Variants in CFAP43 observed in about 807,000 individuals in gnomAD.
CFAP43 encodes cilia and flagella associated protein 43, also known as cilia- and flagella-associated protein 43.
Under a neutral mutation model 218.9 loss-of-function variants are expected in CFAP43, and 155 were observed. The ratio of observed to expected loss-of-function variants is 0.71; its 90% CI spans 0.62 to 0.81. CFAP43 has a LOEUF of 0.81. Among genes scored for constraint, CFAP43 ranks in the 30% least tolerant of loss-of-function variants. CFAP43 has a pLI of 0.00. For synonymous variants in CFAP43, 645 were observed against 681.3 expected (o/e 0.95, Z 0.83); for missense variants, 1,778 against 1,954.3 (o/e 0.91, Z 1.70).
intron 27 of CFAP43, among the ~76,000 whole-genome samples, chr10:104,153,347 C>A (rs2088371286): frequency 1.3e-5 from 2 of 152,032 alleles, no homozygotes; most frequent in African/African-American, 4.8e-5. Context: ...TTTCATTGCA[C>A]AACAGGGTGA....
chr10:104,164,689 C>T (rs1022254278), intron 23 of CFAP43, among the ~76,000 whole-genome samples: 1 of 152,222 alleles, frequency 6.6e-6, no homozygotes, highest in East Asian at 1.9e-4. Flanking sequence ...TGAGCCACCG[C>T]GCCTGGCCCC....
chr10:104,196,118 C>T (rs547534475), intron 10 of CFAP43, among the ~76,000 whole-genome samples: 3 of 152,236 alleles, frequency 2.0e-5, no homozygotes, highest in Admixed American at 1.3e-4. Flanking sequence ...GTGAGGTTGG[C>T]ACCTGTGGTA....
chr10:104,193,949 GA>G lies in CFAP43; in HGVS notation c.1358del (p.Val453AlafsTer38). On this transcript the variant is annotated frameshift_variant, in exon 11 of 38. Transcript: ENST00000357060. LOFTEE classifies it high-confidence loss of function. ...SAAVGTEDGS[V>X]YFISVYDKES... ...CCTTATCATATACGCTGATGAAGTA[GA>G]CCGAGCCATCCTCCGTGCCCACGGC... 1.2e-6 allele frequency: 2 copies of G among 1,614,100 alleles called. No individual in the cohort carries two copies. Among genetic ancestry groups the G allele is most frequent in the East Asian group, 4.5e-5 (2 of 44,892 alleles).
At chr10:104,138,086 G>A (rs190732434) in intron 34 of CFAP43, among the ~76,000 whole-genome samples, 1 of 152,264 alleles carries the variant, frequency 6.6e-6, no homozygotes, top group African/African-American at 2.4e-5. Context: ...ATGGAACAGT[G>A]GAGAAAAAGT....
chr10:104,177,919 C>T (rs558574683), intron 19 of CFAP43, among the ~76,000 whole-genome samples: 1 of 152,306 alleles, frequency 6.6e-6, no homozygotes, highest in South Asian at 2.1e-4. Context: ...CCACATCTCA[C>T]AAAATGTACC....
At chr10:104,185,226 T>C in intron 15 of CFAP43, 80 bp from the exon 16 acceptor site, 1 of 1,535,902 alleles carries the variant, frequency 6.5e-7, no homozygotes, top group Non-Finnish European at 8.9e-7. Context: ...TATATGCCCC[T>C]TTTTTGTGGA....
intron 25 of CFAP43, 105 bp downstream of exon 25, chr10:104,162,212 C>T: frequency 7.8e-7 from 1 of 1,277,092 alleles, no homozygotes. Flanking sequence ...ATTCAAGTGA[C>T]CTCTGACCAC....
Position 104,230,759 on chromosome 10 carries a change from A to G in CFAP43, c.150T>C (p.Phe50=), listed in dbSNP as rs1273627753. The G allele has an allele frequency of 6.2e-7, 1 of 1,613,954 alleles. No homozygotes were observed. The highest frequency in any genetic ancestry group is 2.2e-5 in the East Asian group (1 of 44,878). ...TCTTTTTCTTGGTTTCAATATTAAT[A>G]AATATTACATAATTCCCACAAGGGT... The part of the protein sequence containing the change: ...ICYPCGNYVI[F]INIETKKKTV... The change falls in exon 2 of 38, where the codon TTT becomes TTC. Residue 50 remains phenylalanine (F), a synonymous_variant. Coordinates refer to ENST00000357060, the MANE Select transcript of CFAP43 (RefSeq NM_025145.7).
chr10:104,153,576 T>TA (rs1390388255), intron 27 of CFAP43, among the ~76,000 whole-genome samples: 1 of 152,168 alleles, frequency 6.6e-6, no homozygotes, highest in African/African-American at 2.4e-5. Context: ...ACATACAAAG[T>TA]AAAAAACATG....
intron 3 of CFAP43, among the ~76,000 whole-genome samples, chr10:104,224,670 G>C (rs902199911): frequency 6.8e-6 from 1 of 146,778 alleles, no homozygotes; most frequent in Non-Finnish European, 1.5e-5. Flanking sequence ...CAGGAGAATT[G>C]CTTGAACCTG....
rs2089990525 is a variant in CFAP43, at chr10:104,185,154, G to A, written c.2011-8C>T. 2 of 1,613,408 alleles carry A rather than the reference G, an allele frequency of 1.2e-6. No homozygotes were observed. Among genetic ancestry groups the A allele is most frequent in the East Asian group, 2.2e-5 (1 of 44,832 alleles). On this transcript the variant is annotated splice_region_variant and splice_polypyrimidine_tract_variant and intron_variant, in intron 15 of 37. Transcript: ENST00000357060. ...ACACCAAGCAAATGTTTCCTCAATA[G>A]TTAAGAAATAAACCAGAAAAATTAC... is the stretch of plus-strand genomic sequence containing the variant.
intron 31 of CFAP43, among the ~76,000 whole-genome samples, chr10:104,145,045 T>C (rs1589632604): frequency 6.6e-6 from 1 of 152,310 alleles, no homozygotes; most frequent in South Asian, 2.1e-4. Context: ...TTAACTTCCT[T>C]TTTTTAACCC....
intron 11 of CFAP43, 82 bp from the exon 12 acceptor site, chr10:104,192,384 G>T: frequency 9.7e-7 from 1 of 1,032,972 alleles, no homozygotes; most frequent in Non-Finnish European, 1.5e-6. Context: ...TGGCCACAGA[G>T]ATATGTTCAA....
At chr10:104,141,022 A>G (rs1271863490) in intron 33 of CFAP43, 21 bp from the exon 34 acceptor site, 1 of 1,595,346 alleles carries the variant, frequency 6.3e-7, no homozygotes. Flanking sequence ...AAGTACTTCA[A>G]AGCAAGTAGT....
At chr10:104,171,999 TCA>T (rs939631010) in intron 20 of CFAP43, among the ~76,000 whole-genome samples, 2 of 152,150 alleles carry the variant, frequency 1.3e-5, no homozygotes, top group African/African-American at 4.8e-5. Context: ...TCTACCACTC[TCA>T]GAGGGGCCAT....
intron 5 of CFAP43, 63 bp from the exon 6 acceptor site, chr10:104,207,887 C>T (rs1338713928): frequency 1.3e-6 from 2 of 1,513,806 alleles, no homozygotes; most frequent in Non-Finnish European, 1.8e-6. Context: ...CTGAGAAATA[C>T]TCACCAGAAC....
chr10:104,130,562 T>C (rs950472373), intron 37 of CFAP43, among the ~76,000 whole-genome samples: 8 of 152,168 alleles, frequency 5.3e-5, no homozygotes, highest in African/African-American at 9.7e-5. Context: ...AATGAAATAA[T>C]GTCCTTTGCA....
At position 104,132,206 on chromosome 10, in the gene CFAP43, TAAA is replaced by T; in HGVS notation, c.4597-13_4597-11del. ...TTGGTTCATTTAGGTACTTTGAGAT[TAAA>T]AAAAAACATGTAAGGATATTTTTCT... On this transcript the variant is annotated splice_polypyrimidine_tract_variant and intron_variant, in intron 35 of 37. Coordinates refer to ENST00000357060, the MANE Select transcript of CFAP43 (RefSeq NM_025145.7). The T allele has an allele frequency of 6.5e-7, 1 of 1,540,198 alleles. No homozygotes were observed. The highest frequency in any genetic ancestry group is 8.8e-7 in the Non-Finnish European group (1 of 1,135,546).
intron 34 of CFAP43, among the ~76,000 whole-genome samples, chr10:104,138,191 G>C (rs2087538327): frequency 1.3e-5 from 2 of 152,230 alleles, no homozygotes; most frequent in African/African-American, 4.8e-5. Context: ...ATGTATCCTT[G>C]AAATCATGTG....
Sources: gnomAD v4.1 joint callset for allele counts (sites outside exome capture counted in the v4.1 genomes callset) on GRCh38, gnomAD v4.1.1 for gene constraint, MANE v1.5 for transcripts, NCBI Gene and HGNC (gene_info 2026-07-23, HGNC 2026-07-21) for gene names.